The following ARFGEF1 variants were observed in gnomAD, a reference collection of about 807,000 sequenced individuals.
ARFGEF1 encodes the protein ARF guanine nucleotide exchange factor 1, also known as brefeldin A-inhibited guanine nucleotide-exchange protein 1.
A neutral mutation model predicts 231.0 loss-of-function variants in ARFGEF1; 42 were observed. The observed-to-expected ratio is 0.18, with a 90% CI of 0.14 to 0.24. The LOEUF (loss-of-function observed/expected upper bound fraction) is 0.24. Ranked by LOEUF, ARFGEF1 falls within the 10% of genes least tolerant of loss-of-function variation. The probability of loss-of-function intolerance (pLI) is 1.00; values close to 1 mark genes in which losing one functional copy is unlikely to be tolerated. For missense variants in ARFGEF1, 1,345 were observed against 2,192.0 expected (o/e 0.61, Z 7.72); for synonymous variants, 710 against 732.3 (o/e 0.97, Z 0.49).
rs117963617 is a variant in ARFGEF1 at position 67,284,579 on chromosome 8, A to G, written c.1027+3376T>C. Among the ~76,000 whole-genome samples the G allele has an allele frequency of 1.6e-4, 24 of 152,336 alleles. No homozygotes were observed. The East Asian group carries it at 4.4e-3, about 28-fold the overall frequency. On this transcript the variant is annotated intron_variant, in intron 7 of 38. Transcript: ENST00000262215. ...TAATTACAGAAAAATCTTGAACTTTATAAGTTTGCTGTTAGTAATGGCATC... is the reference window on the plus strand; with the variant it reads ...TAATTACAGAAAAATCTTGAACTTTGTAAGTTTGCTGTTAGTAATGGCATC...
Position 67,240,169 on chromosome 8 carries a change from C to T in ARFGEF1, c.2972G>A (p.Ser991Asn). ...GACAAAATTCTCTGTTACCTGAATG[C>T]TGAAAATGCATGCAATTCTGATTGC... Reference protein sequence around the residue: ...RCAIRIACIFSIQLERDAYVQ... With the variant: ...RCAIRIACIFNIQLERDAYVQ... Residue 991 changes from serine to asparagine, a missense_variant, in exon 20 of 39, where the codon AGC becomes AAC. Ser to Asn is a conservative substitution (Grantham distance 46, BLOSUM62 1). This residue lies in a region of ARFGEF1 where 146 missense variants were observed against 321.4 expected (regional missense o/e 0.45). Transcript: ENST00000262215. 6.2e-7 allele frequency: 1 copy of T among 1,608,686 alleles called. No individual in the cohort carries two copies. Among genetic ancestry groups the T allele is most frequent in the Non-Finnish European group, 8.5e-7 (1 of 1,178,808 alleles).
At chr8:67,246,271 A>G (rs1234428641) in intron 19 of ARFGEF1, among the ~76,000 whole-genome samples, 3 of 150,548 alleles carry the variant, frequency 2.0e-5, no homozygotes, top group Admixed American at 1.3e-4. Flanking sequence ...GATCTAACAG[A>G]TATTTACAGA....
At chr8:67,207,408 G>A (rs998857456) in intron 34 of ARFGEF1, among the ~76,000 whole-genome samples, 2 of 152,178 alleles carry the variant, frequency 1.3e-5, no homozygotes, top group African/African-American at 4.8e-5. Flanking sequence ...GAACAGGGAT[G>A]CCAAGCCTCT....
At chr8:67,225,754 G>A (rs1343620542) in intron 28 of ARFGEF1, among the ~76,000 whole-genome samples, 1 of 152,034 alleles carries the variant, frequency 6.6e-6, no homozygotes, top group Non-Finnish European at 1.5e-5. Flanking sequence ...TTGTCTGTAT[G>A]GGGCTATAAC....
At chr8:67,195,443 A>C, downstream of ARFGEF1, 1 of 1,614,226 alleles carries the variant, frequency 6.2e-7, no homozygotes, top group South Asian at 1.1e-5. Context: ...ATGACGGATC[A>C]AACTCTGTAG....
chr8:67,242,569 T>C (rs1839963669), intron 19 of ARFGEF1, among the ~76,000 whole-genome samples: 1 of 152,156 alleles, frequency 6.6e-6, no homozygotes, highest in Non-Finnish European at 1.5e-5. Flanking sequence ...TAGTACACTG[T>C]GGGACTCGGG....
chr8:67,219,558 C>A lies in ARFGEF1; in HGVS notation c.4211G>T (p.Gly1404Val). 1.3e-6 allele frequency: 2 copies of A among 1,590,444 alleles called. No homozygotes were observed. Among genetic ancestry groups the A allele is most frequent in the South Asian group, 1.2e-5 (1 of 85,440 alleles). The change falls in exon 30 of 39, where the codon GGT (glycine) becomes GTT (valine). Residue 1404 changes from glycine to valine, a missense_variant and splice_region_variant. Physicochemically the swap from Gly to Val is moderately radical, Grantham distance 109. This residue lies in a region of ARFGEF1 where 142 missense variants were observed against 227.3 expected (regional missense o/e 0.62). Transcript: ENST00000262215. ...NRCKLDVRTR[G>V]LTVMFEIMKT... Reference sequence around the variant, plus strand: ...CATTATTTCAAACATTACTGTTAAACCCCTAAAATGACAAAACACAATTAG... The same window carrying A: ...CATTATTTCAAACATTACTGTTAAAACCCTAAAATGACAAAACACAATTAG...
chr8:67,341,505 G>A (rs978582398), intron 1 of ARFGEF1, among the ~76,000 whole-genome samples: 2 of 151,992 alleles, frequency 1.3e-5, no homozygotes, highest in Non-Finnish European at 2.9e-5. Context: ...GCTGAGGCAG[G>A]AGGAATGCCT....
downstream of ARFGEF1, chr8:67,193,551 G>A (rs1264258416): frequency 1.2e-6 from 2 of 1,613,752 alleles, no homozygotes; most frequent in African/African-American, 2.7e-5. Context: ...AGTGAGAAAT[G>A]AGGAACGAAT....
chr8:67,182,459 A>T (rs77657381), intron 5 of ARFGEF1, among the ~76,000 whole-genome samples: 3,813 of 152,250 alleles, frequency 0.025, 138 homozygotes, highest in African/African-American at 0.085. Flanking sequence ...GTGTACAATT[A>T]TCTGTTGGAG....
chr8:67,264,730 G>A (rs868411172), intron 14 of ARFGEF1, among the ~76,000 whole-genome samples: 2 of 152,182 alleles, frequency 1.3e-5, no homozygotes, highest in Non-Finnish European at 1.5e-5. Context: ...TAGAAAGCAA[G>A]TCTAGCTGCT....
intron 1 of ARFGEF1, among the ~76,000 whole-genome samples, chr8:67,325,586 G>A (rs1370942737): frequency 6.6e-6 from 1 of 152,044 alleles, no homozygotes; most frequent in Non-Finnish European, 1.5e-5. Flanking sequence ...TTCTCTCAGT[G>A]GGACAAAACT....
intron 14 of ARFGEF1, among the ~76,000 whole-genome samples, chr8:67,261,350 T>C (rs1165134258): frequency 6.6e-6 from 1 of 152,170 alleles, no homozygotes; most frequent in Non-Finnish European, 1.5e-5. Context: ...GCTGATGATA[T>C]TAACTTGAAG....
At chr8:67,331,085 C>T (rs1422769243) in intron 1 of ARFGEF1, among the ~76,000 whole-genome samples, 5 of 151,830 alleles carry the variant, frequency 3.3e-5, no homozygotes, top group East Asian at 3.9e-4. Flanking sequence ...TAAGAAACAA[C>T]GAAGACTAGT....
intron 3 of ARFGEF1, 90 bp from the exon 4 acceptor site, chr8:67,299,445 T>C (rs1449360615): frequency 5.0e-6 from 6 of 1,201,312 alleles, no homozygotes; most frequent in Admixed American, 6.4e-5. Flanking sequence ...CAGTATACAA[T>C]TGAATATACA....
chr8:67,196,875 GT>G (rs1004442282), downstream of ARFGEF1, among the ~76,000 whole-genome samples: 4 of 152,124 alleles, frequency 2.6e-5, no homozygotes, highest in African/African-American at 7.2e-5. Flanking sequence ...TGTCTTGGGT[GT>G]AACAAATACA....
At chr8:67,255,688 A>C (rs1048723899) in intron 17 of ARFGEF1, among the ~76,000 whole-genome samples, 1 of 152,230 alleles carries the variant, frequency 6.6e-6, no homozygotes, top group Non-Finnish European at 1.5e-5. Context: ...GCTTCATAGA[A>C]ACTCACAAGC....
chr8:67,268,521 A>C (rs1042167506), intron 10 of ARFGEF1, among the ~76,000 whole-genome samples: 11 of 152,174 alleles, frequency 7.2e-5, no homozygotes, highest in African/African-American at 2.7e-4. Flanking sequence ...CATGGTTTCA[A>C]ATAAATCACA....
rs1346212201 is a variant in ARFGEF1 at position 67,248,821 on chromosome 8, C to G, written c.2850+2478G>C. Among the ~76,000 whole-genome samples the G allele has an allele frequency of 2.0e-5, 3 of 150,468 alleles. 1 individual carries two copies. The highest frequency in any genetic ancestry group is 7.4e-5 in the African/African-American group (3 of 40,330). On this transcript the variant is annotated intron_variant, in intron 19 of 38. Coordinates refer to ENST00000262215, the MANE Select transcript of ARFGEF1 (RefSeq NM_006421.5). ...TACCTAGTAAACAATTTAGGACGGT[C>G]ATGCCTGCTTACAGGTGTTGTCTGT...
Sources: allele counts gnomAD v4.1 joint callset (sites outside exome capture counted in the v4.1 genomes callset), GRCh38; gene constraint gnomAD v4.1.1; regional missense constraint gnomAD v4.1.1; transcripts MANE v1.5; gene names NCBI Gene and HGNC (gene_info 2026-07-23, HGNC 2026-07-21).